Variants in ASCC3 observed in about 807,000 individuals in gnomAD.
ASCC3 encodes the protein ASC-1 complex subunit P200.
Under a neutral mutation model 256.3 loss-of-function variants are expected in ASCC3, and 158 were observed. The observed-to-expected ratio is 0.62, with a 90% confidence interval of 0.54 to 0.70. The LOEUF is 0.70. Among genes scored for constraint, ASCC3 ranks in the 30% least tolerant of loss-of-function variants. ASCC3 has a pLI of 0.00. For synonymous variants in ASCC3, 948 were observed against 883.4 expected, an observed-to-expected ratio of 1.07 and a Z score of -1.30; for missense variants, 2,259 against 2,626.0, an observed-to-expected ratio of 0.86 and a Z score of 3.05.
Position 100,520,085 on chromosome 6 carries a change from AC to A in ASCC3, c.5776-1944del, listed in dbSNP as rs564192238. Among the ~76,000 whole-genome samples, 103 of 152,198 alleles carry A rather than the reference AC, an allele frequency of 6.8e-4. 1 individual carries two copies. Among genetic ancestry groups the A allele is most frequent in the African/African-American group, 2.4e-3 (99 of 41,558 alleles). On this transcript the variant is annotated intron_variant, in intron 37 of 41. Transcript: ENST00000369162. ...TAGTTGTCTTGTTCTCTTTGCCCCC[AC>A]TGCTTTAGTGCAGACCTTCGTTTCT... is the stretch of plus-strand genomic sequence containing the variant.
chr6:100,673,319 C>T (rs1225560497), intron 14 of ASCC3, among the ~76,000 whole-genome samples: 1 of 151,962 alleles, frequency 6.6e-6, no homozygotes, highest in East Asian at 1.9e-4. Context: ...TTTATCATTA[C>T]AAATCTCTCT....
chr6:100,860,704 T>C (rs771294803), intron 3 of ASCC3, among the ~76,000 whole-genome samples: 1 of 151,990 alleles, frequency 6.6e-6, no homozygotes, highest in Non-Finnish European at 1.5e-5. Context: ...AGGAAAATAA[T>C]TATGAAACAA....
chr6:100,605,088 T>A (rs1374435786), intron 33 of ASCC3, among the ~76,000 whole-genome samples: 1 of 152,180 alleles, frequency 6.6e-6, no homozygotes, highest in Non-Finnish European at 1.5e-5. Flanking sequence ...TTTGGGATAT[T>A]TATTTATTAA....
chr6:100,579,424 A>G (rs569603840), intron 36 of ASCC3, among the ~76,000 whole-genome samples: 1 of 152,066 alleles, frequency 6.6e-6, no homozygotes, highest in African/African-American at 2.4e-5. Flanking sequence ...GCCAGGGCCT[A>G]CGTCCAGAAT....
intron 4 of ASCC3, 42 bp downstream of exon 4, chr6:100,848,106 T>G (rs1442410522): frequency 6.6e-7 from 1 of 1,504,064 alleles, no homozygotes; most frequent in Non-Finnish European, 8.9e-7. Flanking sequence ...TTCATTAGGA[T>G]AGTTCACATT....
chr6:100,547,802 A>G (rs1049504484), intron 36 of ASCC3, among the ~76,000 whole-genome samples: 3 of 151,944 alleles, frequency 2.0e-5, no homozygotes, highest in African/African-American at 7.2e-5. Context: ...TTTACCCAAG[A>G]GAAAAGAAGG....
At chr6:100,630,551 C>T (rs1364723054) in intron 26 of ASCC3, among the ~76,000 whole-genome samples, 7 of 147,948 alleles carry the variant, frequency 4.7e-5, no homozygotes, top group African/African-American at 1.5e-4. Context: ...GTTTTTTTTA[C>T]AGAGTAATAC....
chr6:100,608,097 C>CATATATATGTATATATATCTATATAT (rs1391815541), intron 30 of ASCC3, among the ~76,000 whole-genome samples: 7 of 45,008 alleles, frequency 1.6e-4, no homozygotes, highest in Admixed American at 6.6e-4. Context: ...TATCTATATA[C>CATATATATGTATATATATCTATATAT]ACATATATAT....
chr6:100,679,743 A>C lies in ASCC3; in HGVS notation c.2161T>G (p.Phe721Val). The change falls in exon 14 of 42, where the codon TTT (phenylalanine) becomes GTT (valine). Residue 721 changes from phenylalanine (F) to valine (V), a missense_variant. Physicochemically the swap from Phe to Val is conservative, Grantham distance 50 (BLOSUM62 -1). This residue lies in a region of ASCC3 where 1,839 missense variants were observed against 2,206.7 expected (regional missense o/e 0.83). Coordinates refer to ENST00000369162, the MANE Select transcript of ASCC3 (RefSeq NM_006828.4). Reference sequence around the variant, plus strand: ...ACAGTGGCATTTCGAGCATGTACAAACACCATCACCTGAAAAAAAGGAAAG... The same window carrying C: ...ACAGTGGCATTTCGAGCATGTACAACCACCATCACCTGAAAAAAAGGAAAG... ...QVKAGHQVMV[F>V]VHARNATVRT... is the part of the protein sequence containing the mutation. The C allele has an allele frequency of 2.5e-6, 4 of 1,613,652 alleles. No homozygotes were observed. Among genetic ancestry groups the C allele is most frequent in the Non-Finnish European group, 1.7e-6 (2 of 1,179,694 alleles).
chr6:100,763,542 G>A (rs564837086), intron 10 of ASCC3, among the ~76,000 whole-genome samples: 23 of 152,220 alleles, frequency 1.5e-4, no homozygotes, highest in Admixed American at 2.0e-4. Flanking sequence ...GCAAAGCTTC[G>A]GGAGAGAATA....
chr6:100,595,035 A>C (rs749572285), intron 34 of ASCC3, among the ~76,000 whole-genome samples: 2 of 152,086 alleles, frequency 1.3e-5, no homozygotes, highest in Non-Finnish European at 2.9e-5. Context: ...GTCAGTTATC[A>C]GAGGCCATGA....
chr6:100,869,360 A>G (rs1773628556), intron 1 of ASCC3, among the ~76,000 whole-genome samples: 1 of 152,222 alleles, frequency 6.6e-6, no homozygotes, highest in East Asian at 1.9e-4. Context: ...GTATTCCTGA[A>G]GTTATCAAAA....
At chr6:100,658,688 A>C (rs1269668270) in intron 16 of ASCC3, among the ~76,000 whole-genome samples, 1 of 151,482 alleles carries the variant, frequency 6.6e-6, no homozygotes, top group African/African-American at 2.4e-5. Context: ...TAGAATAACA[A>C]CAGCTTGTCT....
intron 40 of ASCC3, among the ~76,000 whole-genome samples, chr6:100,511,000 A>G (rs558858304): frequency 3.9e-5 from 6 of 152,354 alleles, no homozygotes; most frequent in Admixed American, 3.3e-4. Flanking sequence ...GATTAAATCT[A>G]AGCTTTAAGT....
chr6:100,646,757 T>C lies in ASCC3; in HGVS notation c.3491A>G (p.His1164Arg), dbSNP rs367837193. The change falls in exon 22 of 42, where the codon CAT becomes CGT. Residue 1164 changes from histidine to arginine, a missense_variant. His to Arg is a conservative substitution (Grantham distance 29, BLOSUM62 0). This residue lies in a region of ASCC3 where 1,839 missense variants were observed against 2,206.7 expected (regional missense o/e 0.83). Coordinates refer to ENST00000369162, the MANE Select transcript of ASCC3 (RefSeq NM_006828.4). Reference protein sequence around the residue: ...MRKDEIGHILHHVNIGLKVKQ... With the variant: ...MRKDEIGHILRHVNIGLKVKQ... ...GACCTTCAGTCCAATATTCACATGA[T>C]GTAAAATGTGACCTGCAAGAAAAAT... 1 of 1,613,792 alleles carries C rather than the reference T, an allele frequency of 6.2e-7. No individual in the cohort carries two copies. Among genetic ancestry groups the C allele is most frequent in the Non-Finnish European group, 8.5e-7 (1 of 1,179,882 alleles).
intron 36 of ASCC3, among the ~76,000 whole-genome samples, chr6:100,568,751 A>AAAT (rs1368638627): frequency 1.7e-5 from 2 of 120,752 alleles, no homozygotes; most frequent in Admixed American, 1.8e-4. Flanking sequence ...ACTTAGTCAT[A>AAAT]AATTATTATT....
intron 10 of ASCC3, among the ~76,000 whole-genome samples, chr6:100,748,584 G>C (rs1187175384): frequency 6.6e-6 from 1 of 151,774 alleles, no homozygotes. Flanking sequence ...TGGAGTTCTG[G>C]GCCTGCCTCA....
At chr6:100,723,860 TTATATATA>T (rs58924032) in intron 11 of ASCC3, among the ~76,000 whole-genome samples, 3,676 of 110,162 alleles carry the variant, frequency 0.033, 111 homozygotes, top group East Asian at 0.1. Context: ...TATTAGGGAA[TTATATATA>T]TATATATATA....
At chr6:100,807,077 C>T (rs1770221420) in intron 4 of ASCC3, among the ~76,000 whole-genome samples, 2 of 151,792 alleles carry the variant, frequency 1.3e-5, no homozygotes, top group East Asian at 3.9e-4. Flanking sequence ...CTCTCCACTG[C>T]ACTATATTAA....
Sources: gnomAD v4.1 joint callset for allele counts (sites outside exome capture counted in the v4.1 genomes callset) on GRCh38, gnomAD v4.1.1 for gene constraint, gnomAD v4.1.1 regional missense constraint, MANE v1.5 for transcripts, NCBI Gene and HGNC (gene_info 2026-07-23, HGNC 2026-07-21) for gene names.